HPSE2: variants seen among roughly 807,000 people sequenced by gnomAD.
HPSE2 encodes heparanase 2 (inactive), also known as inactive heparanase-2.
Under a neutral mutation model 60.5 loss-of-function variants are expected in HPSE2, and 38 were observed. The observed-to-expected ratio is 0.63, with a 90% CI of 0.48 to 0.82. The LOEUF is 0.82. Ranked by LOEUF, HPSE2 falls within the 40% of genes least tolerant of loss-of-function variation. HPSE2 has a pLI of 0.00. For synonymous variants in HPSE2, 295 were observed against 293.2 expected, an observed-to-expected ratio of 1.01 and a Z score of -0.06; for missense variants, 713 against 740.4, an observed-to-expected ratio of 0.96 and a Z score of 0.43.
intron 2 of HPSE2, among the ~76,000 whole-genome samples, chr10:99,153,263 A>G (rs962072197): frequency 1.6e-4 from 24 of 152,240 alleles, no homozygotes; most frequent in East Asian, 3.9e-4. Flanking sequence ...GCTCAAGGAG[A>G]CCTGCCTGCC....
chr10:98,477,045 C>T (rs934387822), intron 11 of HPSE2, among the ~76,000 whole-genome samples: 2 of 152,092 alleles, frequency 1.3e-5, no homozygotes, highest in Non-Finnish European at 2.9e-5. Flanking sequence ...GAAAAAAGTG[C>T]ACTAGAGTAA....
At chr10:99,272,090 G>A in the HPSE2 span, among the ~76,000 whole-genome samples, 1 of 152,132 alleles carries the variant, frequency 6.6e-6, no homozygotes, top group East Asian at 1.9e-4. Context: ...GGCCAACATG[G>A]TGAAACCCCG....
the HPSE2 span, among the ~76,000 whole-genome samples, chr10:99,242,280 T>A: frequency 6.6e-6 from 1 of 152,200 alleles, no homozygotes; most frequent in Admixed American, 6.5e-5. Flanking sequence ...AGAATTTTTA[T>A]GTGTAATATC....
chr10:99,146,057 TCA>T (rs1846041803), intron 2 of HPSE2, among the ~76,000 whole-genome samples: 1 of 152,192 alleles, frequency 6.6e-6, no homozygotes. Context: ...ATAACTAGTC[TCA>T]CAGATTTTCT....
intron 3 of HPSE2, among the ~76,000 whole-genome samples, chr10:98,762,637 A>G (rs1200870013): frequency 6.6e-6 from 1 of 152,178 alleles, no homozygotes; most frequent in East Asian, 1.9e-4. Context: ...TAATAACAGA[A>G]CTGACATTGA....
chr10:99,062,545 CT>C (rs936504441), intron 3 of HPSE2, among the ~76,000 whole-genome samples: 5 of 152,002 alleles, frequency 3.3e-5, no homozygotes, highest in African/African-American at 1.2e-4. Flanking sequence ...TGCCATCTCT[CT>C]GTTATCTACT....
At chr10:98,822,142 A>G (rs1951439772) in intron 3 of HPSE2, among the ~76,000 whole-genome samples, 1 of 152,196 alleles carries the variant, frequency 6.6e-6, no homozygotes, top group African/African-American at 2.4e-5. Flanking sequence ...CAGTATTATT[A>G]GTGGGGAAAC....
intron 5 of HPSE2, among the ~76,000 whole-genome samples, chr10:98,701,900 C>G (rs1271719601): frequency 6.6e-6 from 1 of 152,252 alleles, no homozygotes; most frequent in East Asian, 1.9e-4. Flanking sequence ...GCTGCATCAA[C>G]AAGTGTGCAA....
intron 6 of HPSE2, among the ~76,000 whole-genome samples, chr10:98,693,430 T>C (rs954406525): frequency 2.0e-5 from 3 of 152,212 alleles, no homozygotes; most frequent in Non-Finnish European, 4.4e-5. Flanking sequence ...TACTCTTTTT[T>C]TAAAAAAAAG....
intron 3 of HPSE2, among the ~76,000 whole-genome samples, chr10:98,836,268 A>C (rs917887760): frequency 2.0e-5 from 3 of 152,184 alleles, no homozygotes; most frequent in African/African-American, 7.2e-5. Flanking sequence ...CAATTCGTTG[A>C]AATTTTGCTC....
intron 9 of HPSE2, among the ~76,000 whole-genome samples, chr10:98,581,581 T>A (rs1944799448): frequency 1.3e-5 from 2 of 152,212 alleles, no homozygotes; most frequent in Non-Finnish European, 1.5e-5. Flanking sequence ...ACCACAGATA[T>A]GATTAAATCC....
chr10:99,167,731 G>A (rs1185299533), intron 2 of HPSE2, among the ~76,000 whole-genome samples: 1 of 152,002 alleles, frequency 6.6e-6, no homozygotes, highest in Non-Finnish European at 1.5e-5. Flanking sequence ...GTGTGTGTGT[G>A]TATTCATGTC....
At chr10:98,617,377 CAG>C (rs1370077194) in intron 8 of HPSE2, among the ~76,000 whole-genome samples, 2 of 152,180 alleles carry the variant, frequency 1.3e-5, no homozygotes, top group Non-Finnish European at 2.9e-5. Flanking sequence ...TTGACCTCTA[CAG>C]AGCTTAGCTT....
chr10:99,097,102 T>C (rs933821230), intron 3 of HPSE2, among the ~76,000 whole-genome samples: 1 of 152,184 alleles, frequency 6.6e-6, no homozygotes, highest in African/African-American at 2.4e-5. Context: ...TCAGCCAGTA[T>C]ATACCCAAGG....
chr10:98,510,537 T>C (rs1338957548), intron 9 of HPSE2, among the ~76,000 whole-genome samples: 1 of 152,212 alleles, frequency 6.6e-6, no homozygotes, highest in African/African-American at 2.4e-5. Context: ...GTGATCAGGC[T>C]TGGGTTTGTG....
intron 9 of HPSE2, among the ~76,000 whole-genome samples, chr10:98,501,312 C>T (rs1942022530): frequency 6.6e-6 from 1 of 152,150 alleles, no homozygotes; most frequent in East Asian, 1.9e-4. Flanking sequence ...TACTAGCTAA[C>T]TGGATCAATC....
chr10:99,284,894 T>C, the HPSE2 span, among the ~76,000 whole-genome samples: 1 of 152,062 alleles, frequency 6.6e-6, no homozygotes, highest in East Asian at 1.9e-4. Context: ...AACATTTGTA[T>C]ATTAAAGCAC....
intron 3 of HPSE2, among the ~76,000 whole-genome samples, chr10:98,978,905 A>T (rs1956145970): frequency 6.6e-6 from 1 of 152,220 alleles, no homozygotes; most frequent in African/African-American, 2.4e-5. Flanking sequence ...AAGGTAAAAA[A>T]TTGGAGTCGC....
intron 3 of HPSE2, among the ~76,000 whole-genome samples, chr10:98,985,705 TAA>T (rs1490674078): frequency 6.6e-6 from 1 of 152,054 alleles, no homozygotes. Flanking sequence ...GCAAATTGGA[TAA>T]AGAGTAAACA....
Sources: allele counts gnomAD v4.1 joint callset (sites outside exome capture counted in the v4.1 genomes callset), GRCh38; gene constraint gnomAD v4.1.1; transcripts MANE v1.5; gene names NCBI Gene and HGNC (gene_info 2026-07-23, HGNC 2026-07-21).